Variants in GALNT13 observed in about 807,000 individuals in gnomAD.
GALNT13 encodes polypeptide N-acetylgalactosaminyltransferase 13.
In GALNT13, 28 loss-of-function variants were observed where a neutral mutation model predicts 64.2. The ratio of observed to expected loss-of-function variants is 0.44; its 90% CI spans 0.32 to 0.60. GALNT13 has a LOEUF of 0.60. Among genes scored for constraint, GALNT13 ranks in the 20% least tolerant of loss-of-function variants. The pLI, the probability that GALNT13 is intolerant of heterozygous loss-of-function variation, is 0.05. For missense variants in GALNT13, 577 were observed against 669.8 expected, an observed-to-expected ratio of 0.86 and a Z score of 1.53; for synonymous variants, 214 against 224.6, an observed-to-expected ratio of 0.95 and a Z score of 0.42.
the GALNT13 span, among the ~76,000 whole-genome samples, chr2:153,370,021 A>T: frequency 1.3e-5 from 2 of 152,186 alleles, no homozygotes; most frequent in Non-Finnish European, 2.9e-5. Flanking sequence ...GTATAATTTG[A>T]TATGCAGCAA....
the GALNT13 span, among the ~76,000 whole-genome samples, chr2:153,275,456 G>A: frequency 1.3e-5 from 2 of 151,906 alleles, no homozygotes; most frequent in African/African-American, 4.8e-5. Flanking sequence ...ATCCCTTTTT[G>A]CCCTACTGCC....
chr2:153,223,314 A>G, the GALNT13 span, among the ~76,000 whole-genome samples: 5 of 152,194 alleles, frequency 3.3e-5, no homozygotes, highest in Admixed American at 2.0e-4. Flanking sequence ...AACAATAGCT[A>G]TCAATCAAAT....
At chr2:153,414,975 C>T in the GALNT13 span, among the ~76,000 whole-genome samples, 1 of 151,900 alleles carries the variant, frequency 6.6e-6, no homozygotes, top group African/African-American at 2.4e-5. Flanking sequence ...AGGACATCAT[C>T]TACTATAATT....
At chr2:154,263,788 T>G (rs1268637248) in intron 8 of GALNT13, among the ~76,000 whole-genome samples, 1 of 152,198 alleles carries the variant, frequency 6.6e-6, no homozygotes, top group Admixed American at 6.5e-5. Context: ...AAAGTATGTA[T>G]CATCTAGACT....
the GALNT13 span, among the ~76,000 whole-genome samples, chr2:153,172,402 T>C: frequency 3.0e-4 from 45 of 152,222 alleles, no homozygotes; most frequent in East Asian, 8.1e-3. Context: ...CCAGAAAACA[T>C]AGTGATTGCA....
the GALNT13 span, among the ~76,000 whole-genome samples, chr2:153,537,376 G>T: frequency 6.6e-6 from 1 of 152,218 alleles, no homozygotes; most frequent in Non-Finnish European, 1.5e-5. Flanking sequence ...GGTTGTAGCT[G>T]TCAGAAAGGG....
chr2:154,435,428 G>A (rs1033755777), intron 11 of GALNT13, among the ~76,000 whole-genome samples: 7 of 152,180 alleles, frequency 4.6e-5, no homozygotes, highest in African/African-American at 1.7e-4. Context: ...GAGAGTGTCT[G>A]TGGAGTAGTG....
chr2:154,385,989 T>C (rs1160491689), intron 9 of GALNT13, among the ~76,000 whole-genome samples: 1 of 152,004 alleles, frequency 6.6e-6, no homozygotes, highest in Non-Finnish European at 1.5e-5. Context: ...AGCAACAACA[T>C]GTATGATAAG....
At chr2:154,048,547 G>T (rs12613114) in intron 3 of GALNT13, among the ~76,000 whole-genome samples, 7,149 of 152,114 alleles carry the variant, frequency 0.047, 221 homozygotes, top group South Asian at 0.11. Flanking sequence ...ATTAAAGGAG[G>T]TCATCTACAG....
At chr2:154,377,053 T>C (rs1165678075) in intron 9 of GALNT13, among the ~76,000 whole-genome samples, 1 of 152,110 alleles carries the variant, frequency 6.6e-6, no homozygotes, top group East Asian at 1.9e-4. Flanking sequence ...TTCAGATATA[T>C]CTTTATAATT....
At chr2:153,199,450 T>C in the GALNT13 span, among the ~76,000 whole-genome samples, 2 of 152,180 alleles carry the variant, frequency 1.3e-5, no homozygotes, top group African/African-American at 4.8e-5. Context: ...GGGACCTCTA[T>C]TGCCTCTGGT....
intron 3 of GALNT13, among the ~76,000 whole-genome samples, chr2:154,049,508 T>A (rs1179426916): frequency 1.6e-5 from 2 of 126,660 alleles, no homozygotes; most frequent in Non-Finnish European, 3.7e-5. Context: ...TAAATATATT[T>A]TAAATATTAT....
At chr2:153,293,522 G>T in the GALNT13 span, among the ~76,000 whole-genome samples, 2 of 152,094 alleles carry the variant, frequency 1.3e-5, no homozygotes, top group African/African-American at 4.8e-5. Flanking sequence ...TTCTCCTAGA[G>T]TCTCCAGGAA....
chr2:154,291,093 G>A (rs1349570984), intron 8 of GALNT13, among the ~76,000 whole-genome samples: 2 of 152,068 alleles, frequency 1.3e-5, no homozygotes, highest in Non-Finnish European at 2.9e-5. Flanking sequence ...CGTGGAAAGG[G>A]ACCTGAGTAG....
intron 8 of GALNT13, among the ~76,000 whole-genome samples, chr2:154,296,554 T>C (rs1207867004): frequency 6.6e-6 from 1 of 152,204 alleles, no homozygotes; most frequent in East Asian, 1.9e-4. Context: ...TTCCGTCTCA[T>C]GTATAACAAG....
At chr2:153,254,624 C>T in the GALNT13 span, among the ~76,000 whole-genome samples, 1 of 151,756 alleles carries the variant, frequency 6.6e-6, no homozygotes, top group Admixed American at 6.6e-5. Context: ...AAATTTCCCT[C>T]CACACACTGC....
chr2:153,583,960 C>T, the GALNT13 span, among the ~76,000 whole-genome samples: 119 of 152,244 alleles, frequency 7.8e-4, no homozygotes, highest in Non-Finnish European at 8.2e-4. Context: ...GATCTTTAGA[C>T]GGGGAGAAGC....
At chr2:153,167,738 G>T in the GALNT13 span, among the ~76,000 whole-genome samples, 3 of 152,278 alleles carry the variant, frequency 2.0e-5, no homozygotes, top group East Asian at 5.8e-4. Flanking sequence ...GGGAAGGAAA[G>T]GTGAAGTGTA....
At chr2:153,949,042 G>C (rs1691980468) in intron 3 of GALNT13, among the ~76,000 whole-genome samples, 1 of 151,968 alleles carries the variant, frequency 6.6e-6, no homozygotes, top group Admixed American at 6.6e-5. Context: ...TTCTATGTTT[G>C]GATCTGTTTA....
Sources: gnomAD v4.1 joint callset for allele counts (sites outside exome capture counted in the v4.1 genomes callset) on GRCh38, gnomAD v4.1.1 for gene constraint, MANE v1.5 for transcripts, NCBI Gene and HGNC (gene_info 2026-07-23, HGNC 2026-07-21) for gene names.